The following FBP2 variants were observed in gnomAD, a reference collection of about 807,000 sequenced individuals.
The protein encoded by FBP2 is fructose-1,6-bisphosphatase isozyme 2.
A neutral mutation model predicts 31.6 loss-of-function variants in FBP2; 27 were observed. The ratio of observed to expected loss-of-function variants is 0.85; its 90% CI spans 0.63 to 1.18. The LOEUF is 1.18. FBP2 is among the 50% of genes most tolerant of loss of function. The pLI, the probability that FBP2 is intolerant of heterozygous loss-of-function variation, is 0.00. For missense variants in FBP2, 421 were observed against 436.1 expected, an observed-to-expected ratio of 0.97 and a Z score of 0.31; for synonymous variants, 168 against 179.8, an observed-to-expected ratio of 0.93 and a Z score of 0.53.
chr9:94,577,988 C>A (rs1173742356), intron 3 of FBP2, among the ~76,000 whole-genome samples: 2 of 152,172 alleles, frequency 1.3e-5, no homozygotes, highest in Non-Finnish European at 1.5e-5. Flanking sequence ...AGTTCAAATG[C>A]TTTCCAAGTT....
chr9:94,590,411 G>T (rs1323421201), intron 1 of FBP2, among the ~76,000 whole-genome samples: 3 of 151,844 alleles, frequency 2.0e-5, no homozygotes, highest in Non-Finnish European at 2.9e-5. Flanking sequence ...GCCCTTGCTA[G>T]AAAGATCTCC....
intron 3 of FBP2, among the ~76,000 whole-genome samples, chr9:94,572,124 A>C (rs1190739188): frequency 6.6e-6 from 1 of 151,736 alleles, no homozygotes; most frequent in Non-Finnish European, 1.5e-5. Context: ...TTTCTCTCTG[A>C]CTCTGTGGAT....
chr9:94,575,120 A>C (rs1244664181), intron 3 of FBP2, among the ~76,000 whole-genome samples: 1 of 152,230 alleles, frequency 6.6e-6, no homozygotes, highest in Admixed American at 6.5e-5. Context: ...ATAGCAGAGC[A>C]TACAAATCTT....
At chr9:94,567,012 T>G (rs1827199152) in intron 5 of FBP2, among the ~76,000 whole-genome samples, 1 of 152,194 alleles carries the variant, frequency 6.6e-6, no homozygotes, top group African/African-American at 2.4e-5. Flanking sequence ...TTTGTAAATG[T>G]GATCTCTGCC....
intron 3 of FBP2, among the ~76,000 whole-genome samples, chr9:94,576,283 C>T (rs111602124): frequency 2.0e-5 from 3 of 152,320 alleles, no homozygotes; most frequent in African/African-American, 7.2e-5. Flanking sequence ...TCCCTTCCCC[C>T]GAAATAGTCA....
intron 3 of FBP2, among the ~76,000 whole-genome samples, chr9:94,574,475 C>T (rs369872619): frequency 3.3e-5 from 5 of 151,958 alleles, no homozygotes; most frequent in African/African-American, 1.2e-4. Context: ...TCTTTCATGT[C>T]TTGCTTATTT....
At chr9:94,579,306 G>A (rs1827351382) in intron 3 of FBP2, among the ~76,000 whole-genome samples, 1 of 146,930 alleles carries the variant, frequency 6.8e-6, no homozygotes, top group African/African-American at 2.5e-5. Context: ...GCTGAGGCAG[G>A]AGAATGGTGT....
At position 94,593,637 on chromosome 9, in the gene FBP2, C is replaced by T. The variant is rs1335190433; in HGVS notation, c.90G>A (p.Glu30=). ...GCATTGAGTTCAGCAGCTGGGTGAGCTCCCCAGTCCCTTTGGCCTGACGCC... is the reference window on the plus strand; with the variant it reads ...GCATTGAGTTCAGCAGCTGGGTGAGTTCCCCAGTCCCTTTGGCCTGACGCC... ...EKGRQAKGTG[E]LTQLLNSMLT... Residue 30 remains glutamate, a synonymous_variant, in exon 1 of 7, where the codon GAG becomes GAA. Transcript: ENST00000375337. 27 of 1,614,210 alleles carry T rather than the reference C, an allele frequency of 1.7e-5. No homozygotes were observed. The highest frequency in any genetic ancestry group is 2.2e-5 in the Non-Finnish European group (26 of 1,180,012).
intron 5 of FBP2, among the ~76,000 whole-genome samples, chr9:94,563,945 C>G (rs965872317): frequency 1.3e-5 from 2 of 152,154 alleles, no homozygotes; most frequent in African/African-American, 4.8e-5. Flanking sequence ...CTTAACTATC[C>G]TAAATAATAT....
chr9:94,588,142 T>C lies in FBP2; in HGVS notation c.171-673A>G, dbSNP rs138210771. 6.9e-3 allele frequency among the ~76,000 whole-genome samples: 1,056 copies of C among 152,010 alleles called. 10 individuals are homozygous for C. The highest frequency in any genetic ancestry group is 0.024 in the African/African-American group (1,012 of 41,482). ...CTGGGATTACAGGCATGAGCCACCATGCCCGGCCAAGCCCTGGAATTTCAA... is the reference window on the plus strand; with the variant it reads ...CTGGGATTACAGGCATGAGCCACCACGCCCGGCCAAGCCCTGGAATTTCAA... On this transcript the variant is annotated intron_variant, in intron 1 of 6. Coordinates refer to ENST00000375337, the MANE Select transcript of FBP2 (RefSeq NM_003837.4).
chr9:94,574,661 TTCTTC>T (rs1194945140), intron 3 of FBP2, among the ~76,000 whole-genome samples: 1 of 152,158 alleles, frequency 6.6e-6, no homozygotes, highest in Non-Finnish European at 1.5e-5. Context: ...TCCATATGTT[TTCTTC>T]TCTTGTCTTT....
intron 2 of FBP2, among the ~76,000 whole-genome samples, chr9:94,586,467 A>G (rs1325653918): frequency 6.6e-6 from 1 of 152,200 alleles, no homozygotes; most frequent in Admixed American, 6.5e-5. Context: ...CCAATAGGAG[A>G]AGACAATGGT....
chr9:94,573,887 A>T (rs1308175764), intron 3 of FBP2, among the ~76,000 whole-genome samples: 2 of 152,204 alleles, frequency 1.3e-5, no homozygotes, highest in Admixed American at 6.5e-5. Flanking sequence ...AAGAGACTGA[A>T]TAATCTGTGA....
chr9:94,583,659 G>A (rs1448515564), intron 3 of FBP2, among the ~76,000 whole-genome samples: 1 of 152,188 alleles, frequency 6.6e-6, no homozygotes, highest in East Asian at 1.9e-4. Flanking sequence ...GAGTGCAGTG[G>A]CATGATCTCA....
At chr9:94,562,080 G>A (rs1827114257) in intron 6 of FBP2, among the ~76,000 whole-genome samples, 1 of 152,148 alleles carries the variant, frequency 6.6e-6, no homozygotes, top group African/African-American at 2.4e-5. Flanking sequence ...GGGAGGCCAA[G>A]GCGGGCGGAT....
intron 1 of FBP2, 101 bp from the exon 2 acceptor site, chr9:94,587,570 C>T: frequency 9.8e-7 from 1 of 1,021,104 alleles, no homozygotes; most frequent in Non-Finnish European, 1.5e-6. Context: ...CCCTCTCGTT[C>T]TGTGTCTCTG....
At chr9:94,593,221 ACTT>A (rs1460948983) in intron 1 of FBP2, among the ~76,000 whole-genome samples, 3 of 152,336 alleles carry the variant, frequency 2.0e-5, no homozygotes, top group Admixed American at 6.5e-5. Flanking sequence ...TCACCCCTCT[ACTT>A]CTTTGTTCCA....
chr9:94,563,873 AAAGT>A (rs1320635161), intron 5 of FBP2, among the ~76,000 whole-genome samples: 1 of 152,218 alleles, frequency 6.6e-6, no homozygotes, highest in African/African-American at 2.4e-5. Context: ...TTAAACCAAT[AAAGT>A]TCAAAAAAGA....
chr9:94,565,142 G>T (rs778750843), intron 5 of FBP2, among the ~76,000 whole-genome samples: 2 of 152,176 alleles, frequency 1.3e-5, no homozygotes, highest in African/African-American at 2.4e-5. Context: ...GGGAGGCCAA[G>T]GCAGGTGGAT....
Sources: gnomAD v4.1 joint callset for allele counts (sites outside exome capture counted in the v4.1 genomes callset) on GRCh38, gnomAD v4.1.1 for gene constraint, MANE v1.5 for transcripts, NCBI Gene and HGNC (gene_info 2026-07-23, HGNC 2026-07-21) for gene names.